Variants in TLE6 observed in about 807,000 individuals in gnomAD.
TLE6 encodes the protein transducin-like enhancer protein 6.
Under a neutral mutation model 77.1 loss-of-function variants are expected in TLE6, and 72 were observed. The ratio of observed to expected loss-of-function variants is 0.93; its 90% confidence interval spans 0.77 to 1.14. The LOEUF (loss-of-function observed/expected upper bound fraction) is 1.14. Ranked by LOEUF, TLE6 falls within the 50% of genes most tolerant of loss-of-function variation. The pLI is 0.00. For missense variants in TLE6, 843 were observed against 747.6 expected (o/e 1.13, Z -1.49); for synonymous variants, 366 against 287.3 (o/e 1.27, Z -2.77).
chr19:2,987,541 C>A, intron 8 of TLE6, 169 bp downstream of exon 8: 1 of 1,134,398 alleles, frequency 8.8e-7, no homozygotes, highest in Non-Finnish European at 1.3e-6. Flanking sequence ...CTGGAGTAGC[C>A]CAGGACCCAC....
chr19:2,980,266 C>T (rs1042205143), intron 3 of TLE6, 84 bp downstream of exon 3: 1 of 1,190,106 alleles, frequency 8.4e-7, no homozygotes, highest in East Asian at 2.6e-5. Flanking sequence ...AGTGAGTGGT[C>T]TAGAGGCTGC....
intron 8 of TLE6, 123 bp from the exon 9 acceptor site, chr19:2,987,601 G>T: frequency 8.1e-7 from 1 of 1,232,876 alleles, no homozygotes; most frequent in Admixed American, 1.8e-5. Flanking sequence ...CTGCAACTCT[G>T]CCTGGACCCG....
chr19:2,979,663 G>A (rs1293395709), intron 2 of TLE6, among the ~76,000 whole-genome samples: 3 of 151,930 alleles, frequency 2.0e-5, no homozygotes, highest in South Asian at 2.1e-4. Flanking sequence ...AAGAGAGGCC[G>A]GGCGCGGTGG....
intron 5 of TLE6, among the ~76,000 whole-genome samples, chr19:2,985,417 T>TC: frequency 6.9e-6 from 1 of 144,964 alleles, no homozygotes; most frequent in South Asian, 2.3e-4. Context: ...TTTTTTTTTT[T>TC]TTTGAGACAA....
At chr19:2,988,213 G>T (rs1599162801) in intron 11 of TLE6, 85 bp downstream of exon 11, 2 of 1,336,386 alleles carry the variant, frequency 1.5e-6, no homozygotes, top group East Asian at 5.0e-5. Flanking sequence ...CCGACACATA[G>T]AGGGGAACAG....
In TLE6 at chr19:2,987,210, C is replaced by T. The variant is rs778197469; in HGVS notation, c.513C>T (p.His171=). Residue 171 remains histidine (H), a synonymous_variant, in exon 7 of 17, where the codon CAC becomes CAT. Coordinates refer to ENST00000246112, the MANE Select transcript of TLE6 (RefSeq NM_001143986.2). ...EQLWRIFAGV[H]DEKAKPRDRQ... ...TCTGGCGGATTTTTGCCGGCGTCCA[C>T]GATGAGAAGGCAAAGCCCAGAGACA... 6.8e-6 allele frequency: 11 copies of T among 1,613,978 alleles called. No individual in the cohort carries two copies. Among genetic ancestry groups the T allele is most frequent in the African/African-American group, 2.7e-5 (2 of 74,896 alleles).
intron 4 of TLE6, among the ~76,000 whole-genome samples, chr19:2,981,928 C>T (rs1225421515): frequency 6.6e-6 from 1 of 151,804 alleles, no homozygotes; most frequent in Non-Finnish European, 1.5e-5. Context: ...ACTGAGATCA[C>T]ACTGTACTGC....
chr19:2,982,791 T>C (rs1294175884), intron 5 of TLE6, among the ~76,000 whole-genome samples: 10 of 152,136 alleles, frequency 6.6e-5, no homozygotes, highest in Non-Finnish European at 1.5e-4. Flanking sequence ...TCAGTCCTGC[T>C]CCTTCCGCTC....
rs550276784 is a variant in TLE6, at chr19:2,988,939, C to A, written c.741-122C>A. 3.4e-4 allele frequency: 479 copies of A among 1,423,788 alleles called. 3 individuals carry two copies. In the South Asian group the frequency reaches 6.3e-3, roughly 19 times the overall value. 88.2% of individuals were successfully genotyped at this position (1,423,788 alleles called of 1,614,324 possible). A position where few individuals can be genotyped will look rare whatever the true frequency, so the allele number is the denominator to read the frequency against. On this transcript the variant is annotated intron_variant, in intron 11 of 16. Transcript: ENST00000246112. ...ATTGAGGGGAGTCTAGAGGGTAAAA[C>A]AAGGCCTGAGAGAGGGACCCCAAAA...
intron 11 of TLE6, among the ~76,000 whole-genome samples, 181 bp downstream of exon 11, chr19:2,988,309 G>C (rs543061747): frequency 9.8e-5 from 15 of 152,302 alleles, no homozygotes; most frequent in African/African-American, 3.6e-4. Context: ...GAAAAGTGCA[G>C]TGTTAGGCCG....
chr19:2,994,882 C>T lies in TLE6; in HGVS notation c.1615-18C>T, dbSNP rs1259302714. 4 of 1,528,004 alleles carry T rather than the reference C, an allele frequency of 2.6e-6. No homozygotes were observed. The highest frequency in any genetic ancestry group is 3.6e-6 in the Non-Finnish European group (4 of 1,116,878). The allele number at this position is 1,528,004 out of a possible 1,614,324, so 94.7% of individuals were successfully genotyped here. A position where few individuals can be genotyped will look rare whatever the true frequency, so the allele number is the denominator to read the frequency against. On this transcript the variant is annotated intron_variant, in intron 16 of 16. Coordinates refer to ENST00000246112, the MANE Select transcript of TLE6 (RefSeq NM_001143986.2). Reference sequence around the variant, plus strand: ...TGTGAGCCCTACCCCAGCTCACTGCCCACTGCCCCCCCTCCAGGTGCCTGA... The same window carrying T: ...TGTGAGCCCTACCCCAGCTCACTGCTCACTGCCCCCCCTCCAGGTGCCTGA...
chr19:2,988,972 AAG>A (rs2088977914), intron 11 of TLE6, 87 bp from the exon 12 acceptor site: 4 of 1,539,676 alleles, frequency 2.6e-6, no homozygotes, highest in Non-Finnish European at 3.5e-6. Context: ...AAATCTGAAA[AAG>A]AAGCCCCTCT....
chr19:2,991,783 T>G (rs1006788596), intron 13 of TLE6, 60 bp from the exon 14 acceptor site: 1 of 1,565,176 alleles, frequency 6.4e-7, no homozygotes, highest in African/African-American at 1.4e-5. Flanking sequence ...GACTGGTGTT[T>G]CCGGGGGCCC....
At chr19:2,991,349 A>C (rs1237321408) in intron 13 of TLE6, among the ~76,000 whole-genome samples, 1 of 136,142 alleles carries the variant, frequency 7.3e-6, no homozygotes, top group Admixed American at 7.8e-5. Context: ...ACAAAACGAG[A>C]CTCCATTTCA....
intron 8 of TLE6, 67 bp downstream of exon 8, chr19:2,987,439 G>A: frequency 1.3e-6 from 2 of 1,599,932 alleles, no homozygotes; most frequent in Non-Finnish European, 1.7e-6. Context: ...GCTCCCCCAG[G>A]TCAGGGCACT....
chr19:2,980,340 A>T, intron 3 of TLE6, 158 bp downstream of exon 3: 1 of 508,788 alleles, frequency 2.0e-6, no homozygotes, highest in Non-Finnish European at 3.5e-6. Context: ...GAACCCGGCA[A>T]TACCCATCCC....
chr19:2,988,840 C>A, intron 11 of TLE6: 1 of 638,294 alleles, frequency 1.6e-6, no homozygotes, highest in Non-Finnish European at 2.6e-6. Context: ...TGGGGCAAAG[C>A]AGTCTAGGAA....
intron 14 of TLE6, 152 bp downstream of exon 14, chr19:2,992,136 G>A (rs574545464): frequency 2.9e-5 from 24 of 836,732 alleles, no homozygotes; most frequent in South Asian, 3.5e-5. Flanking sequence ...AGGAGTTTGA[G>A]ACCAGCGTGG....
intron 14 of TLE6, among the ~76,000 whole-genome samples, chr19:2,992,328 C>T (rs556164308): frequency 2.0e-5 from 3 of 152,182 alleles, no homozygotes; most frequent in African/African-American, 7.2e-5. Context: ...CAAAATTGGC[C>T]AGGCATGGTG....
Sources: gnomAD v4.1 joint callset for allele counts (sites outside exome capture counted in the v4.1 genomes callset) on GRCh38, gnomAD v4.1.1 for gene constraint, MANE v1.5 for transcripts, NCBI Gene and HGNC (gene_info 2026-07-23, HGNC 2026-07-21) for gene names.